The following PFDN6 variants were observed in gnomAD, a reference collection of about 807,000 sequenced individuals.
PFDN6 encodes the protein HLA class II region expressed gene KE2.
A neutral mutation model predicts 19.3 loss-of-function variants in PFDN6; 5 were observed. The observed-to-expected ratio is 0.26, with a 90% CI of 0.14 to 0.55. The LOEUF (loss-of-function observed/expected upper bound fraction) is 0.55, where lower values mean the gene tolerates loss of function less well. PFDN6 is among the 20% of genes least tolerant of loss of function. The pLI is 0.94. For missense variants in PFDN6, 101 were observed against 149.4 expected, an observed-to-expected ratio of 0.68 and a Z score of 1.69; for synonymous variants, 51 against 63.4, an observed-to-expected ratio of 0.80 and a Z score of 0.93.
chr6:33,290,866 A>C lies in PFDN6; in HGVS notation c.*21A>C. Reference sequence around the variant, plus strand: ...CCTGACCCCATGGTGGGGGGAGGGGAGGGGAGGGGAGGGAATGAGGCAGCT... The same window carrying C: ...CCTGACCCCATGGTGGGGGGAGGGGCGGGGAGGGGAGGGAATGAGGCAGCT... On this transcript the variant is annotated 3_prime_UTR_variant, in exon 4 of 4. Coordinates refer to ENST00000374606, the MANE Select transcript of PFDN6 (RefSeq NM_001185181.3). 5.1e-6 allele frequency: 4 copies of C among 777,918 alleles called. No individual in the cohort carries two copies. The highest frequency in any genetic ancestry group is 2.0e-5 in the Admixed American group (1 of 50,054). 48.2% of individuals were successfully genotyped at this position (777,918 alleles called of 1,614,324 possible).
chr6:33,289,220 C>A, upstream of PFDN6: 2 of 1,580,528 alleles, frequency 1.3e-6, no homozygotes, highest in South Asian at 1.1e-5. Flanking sequence ...TCAGCTGCCA[C>A]ACAGTCGGCT....
rs1435832052 is a variant in PFDN6, at chr6:33,290,180, G to A, written c.71G>A (p.Ser24Asn). Residue 24 changes from serine to asparagine, a missense_variant, in exon 2 of 4, where the codon AGT becomes AAT. Ser to Asn is a conservative substitution (Grantham distance 46, BLOSUM62 1). Around this residue, in one of 2 missense-constraint regions of PFDN6, gnomAD observed 54 missense variants for 108.8 expected, o/e 0.50. Coordinates refer to ENST00000374606, the MANE Select transcript of PFDN6 (RefSeq NM_001185181.3). ...CCTTTCCTCTCATCCCCAGACTTAA[G>A]TAAATCCATGTCGGGGAGGCAGAAA... ...EKYQQLQKDL[S>N]KSMSGRQKLE... is the part of the protein sequence containing the mutation. The A allele has an allele frequency of 6.2e-7, 1 of 1,614,042 alleles. No individual in the cohort carries two copies. Among genetic ancestry groups the A allele is most frequent in the African/African-American group, 1.3e-5 (1 of 74,904 alleles).
At chr6:33,290,285 T>TAGC in intron 2 of PFDN6, 41 bp downstream of exon 2, 1 of 1,614,024 alleles carries the variant, frequency 6.2e-7, no homozygotes, top group Non-Finnish European at 8.5e-7. Context: ...GGACCTGTAC[T>TAGC]AGCCATGGTT....
chr6:33,290,021 G>GACTTCCCC, intron 1 of PFDN6, 101 bp downstream of exon 1: 2 of 1,312,854 alleles, frequency 1.5e-6, no homozygotes, highest in African/African-American at 2.9e-5. Flanking sequence ...CGCGTGCAGA[G>GACTTCCCC]ACTTCCCCGC....
downstream of PFDN6, chr6:33,290,933 GCT>G (rs1249912290): frequency 2.3e-6 from 3 of 1,303,424 alleles, no homozygotes; most frequent in Admixed American, 2.2e-5. Flanking sequence ...AAAACACCTG[GCT>G]CTGTTTCCTG....
chr6:33,289,244 A>G (rs1767052711), upstream of PFDN6: 5 of 1,557,320 alleles, frequency 3.2e-6, no homozygotes, highest in Non-Finnish European at 4.3e-6. Context: ...AAACTCCCGG[A>G]AGCCCTCTGT....
upstream of PFDN6, chr6:33,289,280 G>A: frequency 1.3e-6 from 2 of 1,502,902 alleles, no homozygotes; most frequent in Non-Finnish European, 8.8e-7. Context: ...CAGCGTACCA[G>A]GTATGAAGCT....
chr6:33,289,710 CG>C lies in PFDN6; in HGVS notation c.-140del, dbSNP rs1325999577. 17 of 622,540 alleles carry C rather than the reference CG, an allele frequency of 2.7e-5. No individual in the cohort carries two copies. Among genetic ancestry groups the C allele is most frequent in the Admixed American group, 7.3e-5 (2 of 27,484 alleles). The allele number at this position is 622,540 out of a possible 1,614,324, so 38.6% of individuals were successfully genotyped here. On this transcript the variant is annotated 5_prime_UTR_variant, in exon 1 of 4. Transcript: ENST00000374606. ...GACAGGGTGGAGTCGATATCCGGGA[CG>C]GGGGGGAGGTTGCGGTGCCCCTCAG...
chr6:33,289,309 G>GATC, upstream of PFDN6: 1 of 1,453,424 alleles, frequency 6.9e-7, no homozygotes, highest in Non-Finnish European at 9.0e-7. Context: ...GCCATCTTGA[G>GATC]TGAGGGCACG....
chr6:33,290,841 C>T lies in PFDN6; in HGVS notation c.386C>T (p.Ala129Val), dbSNP rs1381448113. The T allele has an allele frequency of 6.3e-7, 1 of 1,599,094 alleles. No individual in the cohort carries two copies. Among genetic ancestry groups the T allele is most frequent in the Admixed American group, 1.7e-5 (1 of 59,686 alleles). The change falls in exon 4 of 4, where the codon GCC (alanine) becomes GTC (valine). Residue 129 changes from alanine (A) to valine (V), a missense_variant. Physicochemically the swap from Ala to Val is moderately conservative, Grantham distance 64. This residue lies in a region of PFDN6 where 47 missense variants were observed against 40.6 expected (regional missense o/e 1.16). Transcript: ENST00000374606. ...GCAAAGGCAGGGGCTCCTGGCAAGG[C>T]CTGACCCCATGGTGGGGGGAGGGGA... ...QAAKAGAPGK[A>V]
Position 33,289,765 on chromosome 6 carries a change from C to T in PFDN6, c.-92C>T. 9.4e-7 allele frequency: 1 copy of T among 1,067,426 alleles called. No homozygotes were observed. Among genetic ancestry groups the T allele is most frequent in the Non-Finnish European group, 1.4e-6 (1 of 737,696 alleles). The allele number at this position is 1,067,426 out of a possible 1,614,324, so 66.1% of individuals were successfully genotyped here. On this transcript the variant is annotated 5_prime_UTR_variant, in exon 1 of 4. Coordinates refer to ENST00000374606, the MANE Select transcript of PFDN6 (RefSeq NM_001185181.3). Reference sequence around the variant, plus strand: ...TACCTCTCAAGAGTGCTATCATTTCCGCAGGCCAGATCAGAAAAGGGAGCT... The same window carrying T: ...TACCTCTCAAGAGTGCTATCATTTCTGCAGGCCAGATCAGAAAAGGGAGCT...
At position 33,289,769 on chromosome 6, in the gene PFDN6, G is replaced by A. The variant is rs998594674; in HGVS notation, c.-88G>A. 2 of 1,101,538 alleles carry A rather than the reference G, an allele frequency of 1.8e-6. No homozygotes were observed. Among genetic ancestry groups the A allele is most frequent in the African/African-American group, 3.1e-5 (2 of 63,602 alleles). 68.2% of individuals were successfully genotyped at this position (1,101,538 alleles called of 1,614,324 possible). ...TCTCAAGAGTGCTATCATTTCCGCA[G>A]GCCAGATCAGAAAAGGGAGCTCAGG... is the stretch of plus-strand genomic sequence containing the variant. On this transcript the variant is annotated 5_prime_UTR_variant, in exon 1 of 4. Coordinates refer to ENST00000374606, the MANE Select transcript of PFDN6 (RefSeq NM_001185181.3).
chr6:33,290,805 G>C lies in PFDN6; in HGVS notation c.350G>C (p.Arg117Pro). 1.9e-6 allele frequency: 3 copies of C among 1,605,008 alleles called. No homozygotes were observed. The highest frequency in any genetic ancestry group is 2.5e-6 in the Non-Finnish European group (3 of 1,179,862). The change falls in exon 4 of 4, where the codon CGG becomes CCG. Residue 117 changes from arginine (R) to proline (P), a missense_variant. Arg to Pro is a moderately radical substitution (Grantham distance 103). Transcript: ENST00000374606. ...GCTCAGCTGCAGCAGGAGTTCCAGC[G>C]GGCCCAGGCAGCAAAGGCAGGGGCT... ...TLAQLQQEFQ[R>P]AQAAKAGAPG...
chr6:33,289,802 CA>C lies in PFDN6; in HGVS notation c.-54del, dbSNP rs377096240. On this transcript the variant is annotated 5_prime_UTR_variant, in exon 1 of 4. Coordinates refer to ENST00000374606, the MANE Select transcript of PFDN6 (RefSeq NM_001185181.3). ...CAGAAAAGGGAGCTCAGGTACCTTCCAGAGAGTGAGACCCAGCGCCCTTGTC... is the reference window on the plus strand; with the variant it reads ...CAGAAAAGGGAGCTCAGGTACCTTCCGAGAGTGAGACCCAGCGCCCTTGTC... 7.3e-4 allele frequency: 1,035 copies of C among 1,424,570 alleles called. 8 individuals carry two copies. Among genetic ancestry groups the C allele is most frequent in the Middle Eastern group, 4.2e-3 (23 of 5,502 alleles). The allele number at this position is 1,424,570 out of a possible 1,614,324, so 88.2% of individuals were successfully genotyped here.
At chr6:33,289,224 G>T (rs140495166), upstream of PFDN6, 12,988 of 1,577,464 alleles carry the variant, frequency 8.2e-3, 91 homozygotes, top group South Asian at 0.019. Flanking sequence ...CTGCCACACA[G>T]TCGGCTTGAA....
At chr6:33,290,104 C>T in intron 1 of PFDN6, 70 bp from the exon 2 acceptor site, 1 of 1,514,708 alleles carries the variant, frequency 6.6e-7, no homozygotes, top group Non-Finnish European at 9.1e-7. Context: ...GATCCATATC[C>T]ACCTGACTAG....
intron 3 of PFDN6, 105 bp from the exon 4 acceptor site, chr6:33,290,611 C>G: frequency 3.3e-6 from 5 of 1,502,834 alleles, no homozygotes; most frequent in Non-Finnish European, 4.5e-6. Flanking sequence ...TTCTCCCTCC[C>G]CTGGATCTCA....
chr6:33,290,862 GGGGA>G lies in PFDN6; in HGVS notation c.*21_*24del. On this transcript the variant is annotated 3_prime_UTR_variant, in exon 4 of 4. Transcript: ENST00000374606. ...AAGGCCTGACCCCATGGTGGGGGGA[GGGGA>G]GGGGAGGGGAGGGAATGAGGCAGCT... 6.3e-7 allele frequency: 1 copy of G among 1,575,116 alleles called. No homozygotes were observed. Among genetic ancestry groups the G allele is most frequent in the Non-Finnish European group, 8.6e-7 (1 of 1,164,432 alleles).
chr6:33,290,420 G>C lies in PFDN6; in HGVS notation c.230G>C (p.Gly77Ala), dbSNP rs748245009. The C allele has an allele frequency of 8.2e-6, 13 of 1,589,950 alleles. No individual in the cohort carries two copies. The highest frequency in any genetic ancestry group is 1.1e-5 in the Non-Finnish European group (13 of 1,168,560). Reference protein sequence around the residue: ...QELGEARATVGKRLDYITAEI... With the variant: ...QELGEARATVAKRLDYITAEI... ...CTGGGGGAGGCTCGGGCCACAGTAG[G>C]GAAGAGGCTGGACTATATCACAGCT... Residue 77 changes from glycine to alanine, a missense_variant, in exon 3 of 4, where the codon GGG (glycine) becomes GCG (alanine). Gly to Ala is a moderately conservative substitution (Grantham distance 60, BLOSUM62 0). Transcript: ENST00000374606.
Sources: gnomAD v4.1 joint callset for allele counts on GRCh38, gnomAD v4.1.1 for gene constraint, gnomAD v4.1.1 regional missense constraint, MANE v1.5 for transcripts, NCBI Gene and HGNC (gene_info 2026-07-23, HGNC 2026-07-21) for gene names.